The following PCDHA3 variants were observed in gnomAD, a reference collection of about 807,000 sequenced individuals.
PCDHA3 encodes the protein protocadherin alpha-3.
In PCDHA3, 41 loss-of-function variants were observed where a neutral mutation model predicts 62.2. That is an observed-to-expected ratio of 0.66 (90% confidence interval 0.51 to 0.86). The LOEUF is 0.86. Among genes scored for constraint, PCDHA3 ranks in the 40% least tolerant of loss-of-function variants. The pLI is 0.00. For synonymous variants in PCDHA3, 640 were observed against 555.4 expected (o/e 1.15, Z -2.14); for missense variants, 1,304 against 1,241.2 (o/e 1.05, Z -0.76).
intron 1 of PCDHA3, chr5:140,882,876 A>G (rs1554175925): frequency 6.2e-7 from 1 of 1,614,238 alleles, no homozygotes. Flanking sequence ...CTGGACAGAG[A>G]GGAAATTCAG....
At chr5:140,856,568 A>C in intron 1 of PCDHA3, 1 of 1,597,928 alleles carries the variant, frequency 6.3e-7, no homozygotes, top group Non-Finnish European at 8.6e-7. Flanking sequence ...ACTCAGTCCA[A>C]ATGAGTATTT....
At chr5:140,923,397 G>A (rs1392831353) in intron 1 of PCDHA3, among the ~76,000 whole-genome samples, 2 of 152,128 alleles carry the variant, frequency 1.3e-5, no homozygotes, top group East Asian at 3.9e-4. Flanking sequence ...GCATGGTGGT[G>A]TGTGCCTATA....
At chr5:140,852,737 C>A in intron 1 of PCDHA3, 1 of 983,808 alleles carries the variant, frequency 1.0e-6, no homozygotes, top group Non-Finnish European at 1.2e-6. Context: ...GTTTCATGTG[C>A]CATTTAAACT....
At chr5:140,828,203 G>T in intron 1 of PCDHA3, 1 of 1,614,078 alleles carries the variant, frequency 6.2e-7, no homozygotes, top group Non-Finnish European at 8.5e-7. Flanking sequence ...CGTACCCGAG[G>T]AGGCCAAACA....
intron 1 of PCDHA3, chr5:140,967,400 C>T: frequency 6.2e-7 from 1 of 1,611,718 alleles, no homozygotes; most frequent in South Asian, 1.1e-5. Context: ...GCTGGTGCTG[C>T]GTAAGGGCCT....
At chr5:140,846,935 A>G (rs2150395961) in intron 1 of PCDHA3, among the ~76,000 whole-genome samples, 1 of 149,782 alleles carries the variant, frequency 6.7e-6, no homozygotes, top group African/African-American at 2.4e-5. Flanking sequence ...TTTTGAAGAA[A>G]TACTTGAAGG....
At chr5:140,808,062 A>G in intron 1 of PCDHA3, 1 of 1,613,848 alleles carries the variant, frequency 6.2e-7, no homozygotes. Context: ...GTGAAATCCA[A>G]GTTTCACATA....
chr5:140,962,269 T>A (rs1554225906), intron 1 of PCDHA3, among the ~76,000 whole-genome samples: 1 of 152,194 alleles, frequency 6.6e-6, no homozygotes, highest in Non-Finnish European at 1.5e-5. Flanking sequence ...TTTTATAATT[T>A]AAAAAACCTC....
intron 1 of PCDHA3, chr5:140,884,138 G>T (rs782798249): frequency 6.2e-7 from 1 of 1,613,410 alleles, no homozygotes; most frequent in Admixed American, 1.7e-5. Context: ...CCCGTTCCGC[G>T]TGGGGCTGTA....
At chr5:140,935,178 G>C (rs2090229039) in intron 1 of PCDHA3, among the ~76,000 whole-genome samples, 2 of 152,146 alleles carry the variant, frequency 1.3e-5, no homozygotes, top group African/African-American at 4.8e-5. Context: ...GCTTATTGCT[G>C]CTGGGTCAGT....
intron 1 of PCDHA3, chr5:140,877,039 C>A (rs782458785): frequency 6.2e-7 from 1 of 1,612,458 alleles, no homozygotes; most frequent in African/African-American, 1.3e-5. Context: ...GCTGCAGCCG[C>A]TAGACCACGA....
intron 1 of PCDHA3, chr5:140,869,579 A>G: frequency 6.2e-7 from 1 of 1,614,178 alleles, no homozygotes; most frequent in Non-Finnish European, 8.5e-7. Flanking sequence ...GGAGCTTCTG[A>G]TGCTGACATT....
intron 1 of PCDHA3, chr5:140,841,722 G>A (rs2150321630): frequency 1.2e-6 from 2 of 1,613,870 alleles, no homozygotes; most frequent in Admixed American, 1.7e-5. Context: ...CCAGTGTTCC[G>A]GGTAAAAGAC....
chr5:140,841,723 G>C, intron 1 of PCDHA3: 1 of 1,613,856 alleles, frequency 6.2e-7, no homozygotes. Context: ...CAGTGTTCCG[G>C]GTAAAAGACC....
intron 1 of PCDHA3, among the ~76,000 whole-genome samples, chr5:140,905,301 C>T (rs1476283859): frequency 6.6e-6 from 1 of 152,182 alleles, no homozygotes; most frequent in Admixed American, 6.5e-5. Context: ...GGTGTCCTTT[C>T]CACACTTTGT....
At chr5:140,937,844 G>A (rs926736710) in intron 1 of PCDHA3, among the ~76,000 whole-genome samples, 7 of 149,606 alleles carry the variant, frequency 4.7e-5, no homozygotes, top group Non-Finnish European at 8.9e-5. Context: ...CCTGGAAGGC[G>A]GAACTTGGAG....
At chr5:140,879,173 G>T (rs1010561937) in intron 1 of PCDHA3, among the ~76,000 whole-genome samples, 2 of 152,160 alleles carry the variant, frequency 1.3e-5, no homozygotes, top group South Asian at 2.1e-4. Context: ...AATAAATTAG[G>T]TATCAAGTAA....
At chr5:140,986,694 C>T (rs556228464) in intron 3 of PCDHA3, among the ~76,000 whole-genome samples, 1 of 152,266 alleles carries the variant, frequency 6.6e-6, no homozygotes, top group South Asian at 2.1e-4. Context: ...TTTCAAAACA[C>T]ACAGCACTGC....
intron 1 of PCDHA3, among the ~76,000 whole-genome samples, chr5:140,951,398 A>T (rs1428015395): frequency 6.6e-6 from 1 of 152,100 alleles, no homozygotes; most frequent in Non-Finnish European, 1.5e-5. Flanking sequence ...TTATAAAGAA[A>T]AGAGGTTTAA....
Sources: gnomAD v4.1 joint callset for allele counts (sites outside exome capture counted in the v4.1 genomes callset) on GRCh38, gnomAD v4.1.1 for gene constraint, MANE v1.5 for transcripts, NCBI Gene and HGNC (gene_info 2026-07-23, HGNC 2026-07-21) for gene names.